NUP58: variants seen among roughly 807,000 people sequenced by gnomAD.
The protein encoded by NUP58 is nucleoporin p58/p45.
In NUP58, 17 loss-of-function variants were observed where a neutral mutation model predicts 70.1. The observed-to-expected ratio is 0.24, with a 90% CI of 0.17 to 0.36. The LOEUF (loss-of-function observed/expected upper bound fraction) is 0.36. Ranked by LOEUF, NUP58 falls within the 10% of genes least tolerant of loss-of-function variation. NUP58 has a pLI of 1.00. For synonymous variants in NUP58, 275 were observed against 257.6 expected, an observed-to-expected ratio of 1.07 and a Z score of -0.65; for missense variants, 644 against 701.5, an observed-to-expected ratio of 0.92 and a Z score of 0.93.
chr13:25,319,740 G>A lies in NUP58; in HGVS notation c.710+390G>A, dbSNP rs192943364. 1.1e-3 allele frequency among the ~76,000 whole-genome samples: 168 copies of A among 152,186 alleles called. 1 individual carries two copies. Among genetic ancestry groups the A allele is most frequent in the Non-Finnish European group, 2.1e-3 (141 of 67,932 alleles). ...TTTATGTCCTGGTGTTTTCAGTGAA[G>A]AGAATAGCCTCCATATACATCATAT... On this transcript the variant is annotated intron_variant, in intron 7 of 15. Transcript: ENST00000381736.
At chr13:25,336,892 A>G in intron 13 of NUP58, 44 bp from the exon 14 acceptor site, 3 of 1,281,240 alleles carry the variant, frequency 2.3e-6, no homozygotes, top group Non-Finnish European at 3.3e-6. Context: ...AGTAAGGCAA[A>G]TTTGTTTTTT....
downstream of NUP58, among the ~76,000 whole-genome samples, chr13:25,343,826 T>TATATATATATATAC (rs1491561346): frequency 7.8e-5 from 10 of 127,568 alleles, no homozygotes; most frequent in Admixed American, 5.5e-4. Flanking sequence ...TATATATATA[T>TATATATATATATAC]ACACATATAT....
chr13:25,314,760 G>C (rs529865603), intron 5 of NUP58, among the ~76,000 whole-genome samples: 1 of 152,066 alleles, frequency 6.6e-6, no homozygotes, highest in Non-Finnish European at 1.5e-5. Flanking sequence ...GAAATTTTGC[G>C]CTTGACTCAC....
At chr13:25,338,501 C>G in intron 14 of NUP58, 135 bp from the exon 15 acceptor site, 1 of 577,730 alleles carries the variant, frequency 1.7e-6, no homozygotes, top group South Asian at 2.5e-5. Flanking sequence ...AAGGAGTAAG[C>G]AGATTTCCTT....
chr13:25,301,790 C>T lies in NUP58; in HGVS notation c.17C>T (p.Ser6Phe). Reference protein sequence around the residue: MSTGFSFGSGTLGSTT... With the variant: MSTGFFFGSGTLGSTT... Reference sequence around the variant, plus strand: ...TGGCCAGACATGTCCACAGGGTTCTCCTTCGGGTCCGGGACTCTGGGCTCC... The same window carrying T: ...TGGCCAGACATGTCCACAGGGTTCTTCTTCGGGTCCGGGACTCTGGGCTCC... Residue 6 changes from serine (S) to phenylalanine (F), a missense_variant, in exon 1 of 16, where the codon TCC (serine) becomes TTC (phenylalanine). Physicochemically the swap from Ser to Phe is radical, Grantham distance 155 (BLOSUM62 -2). Coordinates refer to ENST00000381736, the MANE Select transcript of NUP58 (RefSeq NM_014089.4). The T allele has an allele frequency of 6.2e-7, 1 of 1,613,246 alleles. No individual in the cohort carries two copies. The highest frequency in any genetic ancestry group is 8.5e-7 in the Non-Finnish European group (1 of 1,179,630).
At position 25,327,455 on chromosome 13, in the gene NUP58, T is replaced by G. The variant is rs1300454077; in HGVS notation, c.1176T>G (p.Ile392Met). 2 of 1,610,782 alleles carry G rather than the reference T, an allele frequency of 1.2e-6. No individual in the cohort carries two copies. The highest frequency in any genetic ancestry group is 2.7e-5 in the African/African-American group (2 of 74,880). Residue 392 changes from isoleucine (I) to methionine (M), a missense_variant, in exon 12 of 16, where the codon ATT becomes ATG. Ile to Met is a conservative substitution (Grantham distance 10). This residue lies in a region of NUP58 where 78 missense variants were observed against 71.3 expected (regional missense o/e 1.09). Transcript: ENST00000381736. ...PQDLSMAMQKIYQTFVALAAQ... is the reference protein window; with the variant it reads ...PQDLSMAMQKMYQTFVALAAQ... The stretch of plus-strand genomic sequence containing the variant: ...ATTTGTCAATGGCTATGCAGAAAAT[T>G]TATCAAACATTTGTAGCTTTAGCGG...
chr13:25,309,479 C>T (rs2137727100), intron 3 of NUP58, 197 bp downstream of exon 3: 1 of 450,188 alleles, frequency 2.2e-6, no homozygotes, highest in South Asian at 4.8e-5. Flanking sequence ...TCGTAGAGTA[C>T]TTTTATAATT....
At chr13:25,346,494 C>T (rs1172381082), downstream of NUP58, among the ~76,000 whole-genome samples, 2 of 151,990 alleles carry the variant, frequency 1.3e-5, no homozygotes, top group Non-Finnish European at 2.9e-5. Flanking sequence ...CTGAGGTGGG[C>T]AGATCACCTG....
In NUP58 at chr13:25,315,781, T is replaced by C. The variant is rs187789638; in HGVS notation, c.685+314T>C. Among the ~76,000 whole-genome samples, 7 of 152,334 alleles carry C rather than the reference T, an allele frequency of 4.6e-5. No homozygotes were observed. The East Asian group carries it at 1.2e-3, about 25-fold the overall frequency. Reference sequence around the variant, plus strand: ...CCATTGTTCTCTTGTTAGATGTTTATTTCCAGATGTTTTACTTTGGGAAGT... The same window carrying C: ...CCATTGTTCTCTTGTTAGATGTTTACTTCCAGATGTTTTACTTTGGGAAGT... On this transcript the variant is annotated intron_variant, in intron 6 of 15. Coordinates refer to ENST00000381736, the MANE Select transcript of NUP58 (RefSeq NM_014089.4).
intron 3 of NUP58, among the ~76,000 whole-genome samples, chr13:25,311,537 A>G (rs910496692): frequency 1.3e-5 from 2 of 151,854 alleles, no homozygotes; most frequent in Non-Finnish European, 2.9e-5. Context: ...CACCACGCCC[A>G]GCTAATTTTG....
At position 25,321,042 on chromosome 13, in the gene NUP58, A is replaced by G. The variant is rs998470344; in HGVS notation, c.900A>G (p.Gly300=). ...AGCTCCTGTCGTTGGCTGCCAATGG[A>G]ATACAGAGAAACACTCTCAACATTG... ...LKQLLSLAAN[G]IQRNTLNIDK... The change falls in exon 9 of 16, where the codon GGA becomes GGG. Residue 300 remains glycine, a synonymous_variant. Coordinates refer to ENST00000381736, the MANE Select transcript of NUP58 (RefSeq NM_014089.4). 1 of 1,599,740 alleles carries G rather than the reference A, an allele frequency of 6.3e-7. No homozygotes were observed. Among genetic ancestry groups the G allele is most frequent in the Non-Finnish European group, 8.5e-7 (1 of 1,175,032 alleles).
chr13:25,317,762 A>T (rs2030999318), intron 6 of NUP58: 1 of 152,184 alleles, frequency 6.6e-6, no homozygotes, highest in Non-Finnish European at 1.5e-5. Flanking sequence ...ATAAAATACA[A>T]AACATGGAAA....
chr13:25,327,162 A>G lies in NUP58; in HGVS notation c.1150+128A>G. The G allele has an allele frequency of 5.0e-6, 3 of 603,184 alleles. No individual in the cohort carries two copies. The South Asian group carries it at 7.5e-5, about 15-fold the overall frequency. The allele number at this position is 603,184 out of a possible 1,614,324, so 37.4% of individuals were successfully genotyped here. ...AAAATTTCCTTAAAAGTCATTTACT[A>G]CTCCTTTATTCCCTATAAATATAAT... On this transcript the variant is annotated intron_variant, in intron 11 of 15. Transcript: ENST00000381736.
chr13:25,335,795 T>C (rs1209657519), intron 13 of NUP58: 4 of 984,052 alleles, frequency 4.1e-6, no homozygotes, highest in Non-Finnish European at 4.8e-6. Context: ...CTTTGATTTC[T>C]TTAAAAATTT....
In NUP58 at chr13:25,313,057, C is replaced by G. The variant is rs370546662; in HGVS notation, c.436+25C>G. On this transcript the variant is annotated intron_variant, in intron 4 of 15. Transcript: ENST00000381736. The stretch of plus-strand genomic sequence containing the variant: ...GGTGAGGCAGAATGAAAAACCGTTG[C>G]ATTTAATGGTTAAATTTCAATTTTA... The G allele has an allele frequency of 8.1e-6, 13 of 1,603,686 alleles. No individual in the cohort carries two copies. The East Asian group carries it at 8.9e-5, about 11-fold the overall frequency.
chr13:25,334,963 G>C (rs1431563776), intron 13 of NUP58: 1 of 984,850 alleles, frequency 1.0e-6, no homozygotes, highest in African/African-American at 1.7e-5. Context: ...CAGACTTCTT[G>C]AATTGTTTAC....
chr13:25,316,092 G>A (rs1593183273), intron 6 of NUP58, among the ~76,000 whole-genome samples: 1 of 152,078 alleles, frequency 6.6e-6, no homozygotes, highest in South Asian at 2.1e-4. Context: ...CTGGAAATTG[G>A]ATCATTGGCT....
intron 13 of NUP58, chr13:25,333,831 G>A: frequency 1.0e-6 from 1 of 985,380 alleles, no homozygotes; most frequent in Non-Finnish European, 1.2e-6. Context: ...GGTAGAGAGA[G>A]CTTATGCATT....
downstream of NUP58, among the ~76,000 whole-genome samples, chr13:25,347,046 C>G (rs1359206477): frequency 6.6e-6 from 1 of 152,088 alleles, no homozygotes; most frequent in Non-Finnish European, 1.5e-5. Context: ...CAAGTTTAAA[C>G]ATGAAATTCA....
Sources: gnomAD v4.1 joint callset for allele counts (sites outside exome capture counted in the v4.1 genomes callset) on GRCh38, gnomAD v4.1.1 for gene constraint, gnomAD v4.1.1 regional missense constraint, MANE v1.5 for transcripts, NCBI Gene and HGNC (gene_info 2026-07-23, HGNC 2026-07-21) for gene names.